Variants in ADGRL3 observed in about 807,000 individuals in gnomAD.
ADGRL3 encodes adhesion G protein-coupled receptor L3.
In ADGRL3, 62 loss-of-function variants were observed where a neutral mutation model predicts 153.5. That is an observed-to-expected ratio of 0.40 (90% confidence interval 0.33 to 0.50). The LOEUF is 0.50. Among genes scored for constraint, ADGRL3 ranks in the 20% least tolerant of loss-of-function variants. ADGRL3 has a pLI of 0.47. For synonymous variants in ADGRL3, 710 were observed against 672.5 expected (o/e 1.06, Z -0.86); for missense variants, 1,641 against 1,859.4 (o/e 0.88, Z 2.16).
chr4:61,817,149 A>ACC (rs34121977), intron 9 of ADGRL3, among the ~76,000 whole-genome samples: 35 of 104,694 alleles, frequency 3.3e-4, no homozygotes, highest in African/African-American at 5.3e-4. Context: ...AGGTCTGCAG[A>ACC]CCCCCCCCCC....
chr4:61,979,738 T>C lies in ADGRL3; in HGVS notation c.2981T>C (p.Leu994Pro), dbSNP rs757338510. The change falls in exon 18 of 27, where the codon CTC (leucine) becomes CCC (proline). Residue 994 changes from leucine to proline, a missense_variant. Transcript: ENST00000683033. ...ATCAGTCTCTTTGTAGCAGAGCTGC[T>C]CTTCCTGATTGGGATCAACCGAACT... ...LCISLFVAEL[L>P]FLIGINRTDQ... 6.2e-7 allele frequency: 1 copy of C among 1,613,934 alleles called. No homozygotes were observed. Among genetic ancestry groups the C allele is most frequent in the Non-Finnish European group, 8.5e-7 (1 of 1,179,850 alleles).
At chr4:61,834,386 T>C (rs1229245075) in intron 9 of ADGRL3, among the ~76,000 whole-genome samples, 3 of 152,158 alleles carry the variant, frequency 2.0e-5, no homozygotes, top group Non-Finnish European at 2.9e-5. Flanking sequence ...TGGTTCCAAG[T>C]CTTTGCTATT....
chr4:61,469,010 A>G (rs1369000310), intron 2 of ADGRL3, among the ~76,000 whole-genome samples: 2 of 152,058 alleles, frequency 1.3e-5, no homozygotes, highest in South Asian at 2.1e-4. Context: ...TGTACGCTCT[A>G]CTTGTCTGGG....
At chr4:61,591,636 A>G (rs2098969586) in intron 5 of ADGRL3, among the ~76,000 whole-genome samples, 1 of 152,144 alleles carries the variant, frequency 6.6e-6, no homozygotes, top group South Asian at 2.1e-4. Flanking sequence ...ACATTTAAAA[A>G]TATTTCTTTT....
intron 4 of ADGRL3, among the ~76,000 whole-genome samples, chr4:61,533,561 C>G (rs554591013): frequency 3.1e-4 from 47 of 152,256 alleles, no homozygotes; most frequent in South Asian, 1.2e-3. Context: ...TGAATAAAAT[C>G]TAAATAAATT....
chr4:61,918,421 A>G (rs1196482560), intron 13 of ADGRL3, among the ~76,000 whole-genome samples: 1 of 152,204 alleles, frequency 6.6e-6, no homozygotes, highest in Non-Finnish European at 1.5e-5. Context: ...TAGCCTAGAA[A>G]TAATTATTTG....
At chr4:61,454,630 T>C (rs1304423437) in intron 2 of ADGRL3, among the ~76,000 whole-genome samples, 1 of 152,134 alleles carries the variant, frequency 6.6e-6, no homozygotes, top group African/African-American at 2.4e-5. Flanking sequence ...TGAATTTGGC[T>C]AAACAAGTGG....
intron 3 of ADGRL3, among the ~76,000 whole-genome samples, chr4:61,509,483 A>T (rs76581220): frequency 4.6e-5 from 7 of 151,992 alleles, no homozygotes; most frequent in African/African-American, 1.7e-4. Context: ...TTATAAGTCT[A>T]TGTGTGCAAT....
chr4:61,744,322 T>G (rs7695664), intron 8 of ADGRL3, among the ~76,000 whole-genome samples: 88,175 of 151,982 alleles, frequency 0.58, 28,012 homozygotes, highest in African/African-American at 0.83. Context: ...AACCTCTGCA[T>G]ACTTAAGTGT....
intron 8 of ADGRL3, among the ~76,000 whole-genome samples, chr4:61,758,172 A>G (rs183752093): frequency 5.1e-4 from 77 of 152,160 alleles, no homozygotes; most frequent in Non-Finnish European, 1.0e-3. Context: ...ATCCCTGTTA[A>G]CCTGATTCAA....
intron 13 of ADGRL3, among the ~76,000 whole-genome samples, chr4:61,923,147 A>C (rs537678756): frequency 2.2e-4 from 34 of 152,282 alleles, no homozygotes; most frequent in Non-Finnish European, 7.4e-5. Context: ...GTTGAGGGAG[A>C]AGGCTATGGA....
At chr4:61,913,302 G>A (rs2098730537) in intron 13 of ADGRL3, among the ~76,000 whole-genome samples, 1 of 152,092 alleles carries the variant, frequency 6.6e-6, no homozygotes, top group African/African-American at 2.4e-5. Flanking sequence ...TAATTTGTAA[G>A]CATGTTGTAA....
At chr4:61,667,339 G>A (rs1476894467) in intron 5 of ADGRL3, among the ~76,000 whole-genome samples, 6 of 152,066 alleles carry the variant, frequency 3.9e-5, no homozygotes, top group Non-Finnish European at 7.4e-5. Context: ...TACATTTATA[G>A]TAAGAAAATC....
At chr4:62,030,658 A>G (rs1280706101) in intron 22 of ADGRL3, among the ~76,000 whole-genome samples, 1 of 151,544 alleles carries the variant, frequency 6.6e-6, no homozygotes, top group Non-Finnish European at 1.5e-5. Flanking sequence ...ATACCACCCC[A>G]TCTTCATTCT....
In ADGRL3 at chr4:62,071,042, A is replaced by C; in HGVS notation, c.*134A>C. On this transcript the variant is annotated 3_prime_UTR_variant, in exon 27 of 27. Transcript: ENST00000683033. The stretch of plus-strand genomic sequence containing the variant: ...CCTCTAAAGACAAACACAAACTCTC[A>C]GACTTTTTTTTTTTTAATGGGATTT... The C allele has an allele frequency of 1.2e-6, 1 of 809,372 alleles. No individual in the cohort carries two copies. Among genetic ancestry groups the C allele is most frequent in the South Asian group, 2.2e-5 (1 of 45,854 alleles). The allele number at this position is 809,372 out of a possible 1,614,324, so 50.1% of individuals were successfully genotyped here. A position where few individuals can be genotyped will look rare whatever the true frequency, so the allele number is the denominator to read the frequency against.
intron 8 of ADGRL3, among the ~76,000 whole-genome samples, chr4:61,777,152 G>T (rs2097161061): frequency 6.6e-6 from 1 of 152,068 alleles, no homozygotes; most frequent in South Asian, 2.1e-4. Flanking sequence ...GGCTAACACG[G>T]TGAAACCCCG....
chr4:61,938,213 T>G (rs2098847340), intron 15 of ADGRL3, among the ~76,000 whole-genome samples: 1 of 152,128 alleles, frequency 6.6e-6, no homozygotes, highest in Non-Finnish European at 1.5e-5. Context: ...TATCAGCCAA[T>G]TATAAACCAA....
intron 1 of ADGRL3, among the ~76,000 whole-genome samples, chr4:61,303,327 A>ACTGGTT (rs2094645887): frequency 6.6e-6 from 1 of 152,194 alleles, no homozygotes; most frequent in Admixed American, 6.5e-5. Flanking sequence ...AATTGGGAAT[A>ACTGGTT]ATAACCTTAT....
chr4:61,646,136 C>G (rs2093970726), intron 5 of ADGRL3, among the ~76,000 whole-genome samples: 1 of 152,108 alleles, frequency 6.6e-6, no homozygotes, highest in Admixed American at 6.5e-5. Flanking sequence ...TCAGCTCCAT[C>G]AGCTCCTTTA....
Sources: allele counts gnomAD v4.1 joint callset (sites outside exome capture counted in the v4.1 genomes callset), GRCh38; gene constraint gnomAD v4.1.1; transcripts MANE v1.5; gene names NCBI Gene and HGNC (gene_info 2026-07-23, HGNC 2026-07-21).